Variants in SCAPER observed in about 807,000 individuals in gnomAD.
SCAPER encodes the protein S phase cyclin A-associated protein in the endoplasmic reticulum.
In SCAPER, 98 loss-of-function variants were observed where a neutral mutation model predicts 182.2. The ratio of observed to expected loss-of-function variants is 0.54; its 90% CI spans 0.46 to 0.64. The LOEUF is 0.64. Among genes scored for constraint, SCAPER ranks in the 30% least tolerant of loss-of-function variants. SCAPER has a pLI of 0.00. For synonymous variants in SCAPER, 605 were observed against 564.6 expected (o/e 1.07, Z -1.01); for missense variants, 1,432 against 1,690.0 (o/e 0.85, Z 2.68).
At chr15:76,785,333 G>A (rs1252796066) in intron 8 of SCAPER, among the ~76,000 whole-genome samples, 11 of 152,032 alleles carry the variant, frequency 7.2e-5, no homozygotes, top group Non-Finnish European at 1.5e-4. Context: ...ATAAGATACC[G>A]TCTCACACCA....
chr15:76,752,597 T>C (rs2062158013), intron 15 of SCAPER, among the ~76,000 whole-genome samples: 2 of 151,744 alleles, frequency 1.3e-5, no homozygotes, highest in Non-Finnish European at 1.5e-5. Flanking sequence ...GAAGACCTTA[T>C]GCTAAATGAA....
At chr15:76,675,580 C>CA (rs1033132554) in intron 20 of SCAPER, among the ~76,000 whole-genome samples, 46 of 152,186 alleles carry the variant, frequency 3.0e-4, no homozygotes, top group Admixed American at 9.2e-4. Flanking sequence ...ACAATGCTGA[C>CA]AAAAAACGGT....
intron 22 of SCAPER, among the ~76,000 whole-genome samples, chr15:76,620,093 TAA>T (rs905711026): frequency 1.3e-5 from 2 of 152,040 alleles, no homozygotes; most frequent in African/African-American, 4.8e-5. Context: ...TATATATATA[TAA>T]GTTTTCTCTT....
At position 76,812,396 on chromosome 15, in the gene SCAPER, A is replaced by G. The variant is rs189377392; in HGVS notation, c.394-7763T>C. ...TCCAGCTATTTGGGAGGCTGAGCACAAAAATCACTTGAACCTGGGAGGCAG... is the reference window on the plus strand; with the variant it reads ...TCCAGCTATTTGGGAGGCTGAGCACGAAAATCACTTGAACCTGGGAGGCAG... On this transcript the variant is annotated intron_variant, in intron 5 of 31. Transcript: ENST00000563290. Among the ~76,000 whole-genome samples, 1,217 of 151,762 alleles carry G rather than the reference A, an allele frequency of 8.0e-3. 12 individuals are homozygous for G. The highest frequency in any genetic ancestry group is 0.028 in the African/African-American group (1,153 of 41,424).
At chr15:76,887,290 C>T (rs944290484) in intron 1 of SCAPER, among the ~76,000 whole-genome samples, 1 of 152,198 alleles carries the variant, frequency 6.6e-6, no homozygotes, top group Admixed American at 6.5e-5. Flanking sequence ...TGCTTAATCT[C>T]ATTGGGACTG....
intron 3 of SCAPER, chr15:76,861,771 C>T (rs952756526): frequency 1.3e-5 from 2 of 151,936 alleles, no homozygotes; most frequent in Non-Finnish European, 2.9e-5. Flanking sequence ...ATGTATTAGT[C>T]CATTTTCATA....
At chr15:76,801,179 G>T (rs2065764853) in intron 6 of SCAPER, among the ~76,000 whole-genome samples, 1 of 152,024 alleles carries the variant, frequency 6.6e-6, no homozygotes, top group South Asian at 2.1e-4. Context: ...TCACATGTTG[G>T]TATCTTTCCT....
intron 23 of SCAPER, among the ~76,000 whole-genome samples, chr15:76,548,810 A>C (rs1028994381): frequency 6.6e-6 from 1 of 152,226 alleles, no homozygotes; most frequent in Non-Finnish European, 1.5e-5. Context: ...TGGACTAAAG[A>C]CCTAAATGTT....
At chr15:76,495,904 TTTATC>T (rs1453968646) in intron 24 of SCAPER, among the ~76,000 whole-genome samples, 1 of 152,036 alleles carries the variant, frequency 6.6e-6, no homozygotes, top group African/African-American at 2.4e-5. Context: ...ATAGTAAAGC[TTTATC>T]TTGTAGCTGT....
At chr15:76,654,824 A>G (rs1000896587) in intron 21 of SCAPER, among the ~76,000 whole-genome samples, 1 of 152,210 alleles carries the variant, frequency 6.6e-6, no homozygotes, top group Non-Finnish European at 1.5e-5. Context: ...CCTGAATGCC[A>G]TTAGCTAACA....
At chr15:76,740,122 T>C (rs1355370169) in intron 15 of SCAPER, among the ~76,000 whole-genome samples, 1 of 152,248 alleles carries the variant, frequency 6.6e-6, no homozygotes, top group South Asian at 2.1e-4. Flanking sequence ...ACTATGATCA[T>C]GCCACTGCAC....
At chr15:76,589,772 A>C (rs531750727) in intron 22 of SCAPER, among the ~76,000 whole-genome samples, 4 of 152,140 alleles carry the variant, frequency 2.6e-5, no homozygotes, top group Non-Finnish European at 5.9e-5. Flanking sequence ...GTCTTTTCCC[A>C]GTTCCTCTGG....
At chr15:76,511,442 A>G (rs148965393) in intron 23 of SCAPER, among the ~76,000 whole-genome samples, 1 of 152,230 alleles carries the variant, frequency 6.6e-6, no homozygotes, top group African/African-American at 2.4e-5. Flanking sequence ...GAAATACCCT[A>G]AAGAGTAAAT....
intron 26 of SCAPER, among the ~76,000 whole-genome samples, chr15:76,424,588 C>A (rs979885210): frequency 6.6e-6 from 1 of 152,144 alleles, no homozygotes; most frequent in African/African-American, 2.4e-5. Flanking sequence ...CAGTCTGTGT[C>A]TTTTAATTGG....
At chr15:76,351,159 G>T in intron 31 of SCAPER, 78 bp downstream of exon 31, 2 of 1,224,130 alleles carry the variant, frequency 1.6e-6, no homozygotes, top group Non-Finnish European at 2.3e-6. Context: ...ATATAATGTA[G>T]CAGTTCCAGA....
chr15:76,510,888 T>TGTGTGTGTGTGTGTGCGC lies in SCAPER; in HGVS notation c.2839-5915_2839-5914insGCGCACACACACACACAC, dbSNP rs1491205462. Among the ~76,000 whole-genome samples, 512 of 141,178 alleles carry TGTGTGTGTGTGTGTGCGC rather than the reference T, an allele frequency of 3.6e-3. 4 individuals are homozygous for TGTGTGTGTGTGTGTGCGC. The highest frequency in any genetic ancestry group is 0.013 in the African/African-American group (490 of 38,642). The allele number at this position is 141,178 out of a possible 152,430, so 92.6% of individuals were successfully genotyped here. A position where few individuals can be genotyped will look rare whatever the true frequency, so the allele number is the denominator to read the frequency against. The stretch of plus-strand genomic sequence containing the variant: ...GCGTGTGTGTGTGTGTGTGTGTGTG[T>TGTGTGTGTGTGTGTGCGC]GCGCGCGCGCACGTATGGAATACTA... On this transcript the variant is annotated intron_variant, in intron 23 of 31. Transcript: ENST00000563290.
intron 23 of SCAPER, among the ~76,000 whole-genome samples, chr15:76,527,036 T>A (rs1452830473): frequency 2.6e-5 from 4 of 151,950 alleles, no homozygotes; most frequent in Non-Finnish European, 5.9e-5. Flanking sequence ...CATGACTGGC[T>A]AATTTTTTTT....
chr15:76,515,802 T>G (rs538053777), intron 23 of SCAPER, among the ~76,000 whole-genome samples: 1 of 152,348 alleles, frequency 6.6e-6, no homozygotes, highest in East Asian at 1.9e-4. Context: ...AGGTGTTCAA[T>G]AAATATTTGC....
intron 22 of SCAPER, among the ~76,000 whole-genome samples, chr15:76,601,885 A>T (rs1291777460): frequency 8.2e-6 from 1 of 121,508 alleles, no homozygotes; most frequent in East Asian, 2.2e-4. Flanking sequence ...GATTGGTTCC[A>T]GGAACCCCAT....
Sources: gnomAD v4.1 joint callset for allele counts (sites outside exome capture counted in the v4.1 genomes callset) on GRCh38, gnomAD v4.1.1 for gene constraint, MANE v1.5 for transcripts, NCBI Gene and HGNC (gene_info 2026-07-23, HGNC 2026-07-21) for gene names.